Variants in KAZN observed in about 807,000 individuals in gnomAD.
The protein encoded by KAZN is kazrin, periplakin interacting protein.
KAZN carries 40 observed loss-of-function variants against 87.4 expected under a neutral mutation model. The observed-to-expected ratio is 0.46, with a 90% confidence interval of 0.36 to 0.60. The LOEUF (loss-of-function observed/expected upper bound fraction) is 0.60, where lower values mean the gene tolerates loss of function less well. Among genes scored for constraint, KAZN ranks in the 20% least tolerant of loss-of-function variants. The pLI is 0.00. For missense variants in KAZN, 898 were observed against 1,073.9 expected, an observed-to-expected ratio of 0.84 and a Z score of 2.29; for synonymous variants, 466 against 458.3, an observed-to-expected ratio of 1.02 and a Z score of -0.22.
intron 1 of KAZN, among the ~76,000 whole-genome samples, chr1:14,725,949 T>A (rs1643359556): frequency 6.6e-6 from 1 of 152,242 alleles, no homozygotes; most frequent in Admixed American, 6.5e-5. Context: ...TCAAAGCCAC[T>A]GAATAGCGTC....
intron 2 of KAZN, among the ~76,000 whole-genome samples, chr1:14,405,647 T>TGTGTGTGTG (rs747253895): frequency 4.0e-5 from 6 of 150,106 alleles, no homozygotes; most frequent in East Asian, 1.9e-4. Flanking sequence ...TGTGTGTGTG[T>TGTGTGTGTG]TTATACAGAG....
intron 1 of KAZN, among the ~76,000 whole-genome samples, chr1:14,885,171 A>T (rs2101124331): frequency 6.6e-6 from 1 of 152,196 alleles, no homozygotes; most frequent in East Asian, 1.9e-4. Context: ...TTAACCTGGA[A>T]ATGGGGATAT....
chr1:14,991,125 G>A (rs917434254), intron 2 of KAZN, among the ~76,000 whole-genome samples: 2 of 151,916 alleles, frequency 1.3e-5, no homozygotes, highest in African/African-American at 4.8e-5. Flanking sequence ...GGCTGAGGCG[G>A]GCGGATCACC....
intron 3 of KAZN, 104 bp from the exon 4 acceptor site, chr1:15,043,885 C>T: frequency 1.7e-6 from 2 of 1,170,336 alleles, no homozygotes; most frequent in Non-Finnish European, 1.2e-6. Flanking sequence ...CCTCGTGACC[C>T]CACTTCTTTT....
chr1:14,308,226 G>A (rs1054759139), intron 2 of KAZN, among the ~76,000 whole-genome samples: 4 of 152,068 alleles, frequency 2.6e-5, no homozygotes, highest in Non-Finnish European at 4.4e-5. Context: ...ACATTATTAG[G>A]ACAATTGATG....
intron 2 of KAZN, among the ~76,000 whole-genome samples, chr1:14,420,543 C>T (rs953099739): frequency 2.6e-5 from 4 of 152,286 alleles, no homozygotes; most frequent in East Asian, 1.9e-4. Context: ...CCAGGTGCCG[C>T]GGAGCAAGGG....
At chr1:13,995,070 T>C (rs12038517) in intron 1 of KAZN, among the ~76,000 whole-genome samples, 21,315 of 151,948 alleles carry the variant, frequency 0.14, 1,598 homozygotes, top group Middle Eastern at 0.22. Flanking sequence ...AGGAGAATAT[T>C]CCGTTAATCC....
intron 2 of KAZN, among the ~76,000 whole-genome samples, chr1:14,435,645 C>T (rs1022302911): frequency 3.9e-5 from 6 of 152,320 alleles, no homozygotes; most frequent in South Asian, 4.1e-4. Context: ...CTTCTGGGAG[C>T]GTGCAGCTGA....
At chr1:14,826,676 C>T (rs796632391) in intron 1 of KAZN, among the ~76,000 whole-genome samples, 5 of 152,106 alleles carry the variant, frequency 3.3e-5, no homozygotes, top group South Asian at 4.2e-4. Flanking sequence ...TCTCCAGTAG[C>T]GGCTGGATTT....
chr1:14,601,051 A>C (rs1478661440), intron 1 of KAZN, among the ~76,000 whole-genome samples: 1 of 152,200 alleles, frequency 6.6e-6, no homozygotes, highest in East Asian at 1.9e-4. Context: ...TGTGGAAATG[A>C]AAATGGCTTT....
At chr1:14,418,439 T>C (rs901419189) in intron 2 of KAZN, among the ~76,000 whole-genome samples, 1 of 152,218 alleles carries the variant, frequency 6.6e-6, no homozygotes, top group East Asian at 1.9e-4. Context: ...CTTTTATTAT[T>C]ACTGTCAGCA....
In KAZN at chr1:14,244,555, G is replaced by C. The variant is rs113176158; in HGVS notation, c.249+63963G>C. On this transcript the variant is annotated intron_variant, in intron 2 of 16. Coordinates refer to the KAZN transcript ENST00000636203. The stretch of plus-strand genomic sequence containing the variant: ...GCTGAGGTTCTATTGGGACACGATA[G>C]ACAATGCATCCTACGGACTACATAG... Among the ~76,000 whole-genome samples, 454 of 152,310 alleles carry C rather than the reference G, an allele frequency of 3.0e-3. 5 individuals carry two copies. The highest frequency in any genetic ancestry group is 4.1e-3 in the Admixed American group (62 of 15,294).
chr1:13,996,421 A>T (rs1276462096), intron 1 of KAZN, among the ~76,000 whole-genome samples: 1 of 152,170 alleles, frequency 6.6e-6, no homozygotes, highest in East Asian at 1.9e-4. Flanking sequence ...ACTAGGACCC[A>T]CAACAGCCTA....
At chr1:14,151,777 C>T (rs1193594851) in intron 1 of KAZN, among the ~76,000 whole-genome samples, 2 of 152,226 alleles carry the variant, frequency 1.3e-5, no homozygotes, top group African/African-American at 2.4e-5. Flanking sequence ...TCCCTCATCA[C>T]ACCTGTAACC....
chr1:14,130,920 A>G (rs1056130597), intron 1 of KAZN, among the ~76,000 whole-genome samples: 10 of 152,102 alleles, frequency 6.6e-5, no homozygotes, highest in African/African-American at 2.4e-4. Context: ...GTTTAATACT[A>G]TGCAAGCAGT....
intron 1 of KAZN, among the ~76,000 whole-genome samples, chr1:14,763,776 G>C (rs1644807574): frequency 6.6e-6 from 1 of 152,172 alleles, no homozygotes. Context: ...TTGAGATGGA[G>C]TCTTGCTCTG....
chr1:14,853,585 G>A (rs1649720707), intron 1 of KAZN, among the ~76,000 whole-genome samples: 2 of 152,190 alleles, frequency 1.3e-5, no homozygotes, highest in South Asian at 4.1e-4. Context: ...CTGCCTCTCA[G>A]TGGGAGAAGA....
At chr1:15,033,002 T>A (rs1205560517) in intron 2 of KAZN, among the ~76,000 whole-genome samples, 1 of 152,142 alleles carries the variant, frequency 6.6e-6, no homozygotes, top group East Asian at 1.9e-4. Flanking sequence ...TGGTTGTATC[T>A]ATACTGAACA....
chr1:14,565,474 A>G (rs974579218), intron 2 of KAZN, among the ~76,000 whole-genome samples: 2 of 152,190 alleles, frequency 1.3e-5, no homozygotes, highest in African/African-American at 2.4e-5. Context: ...GCTTGCCTCA[A>G]TGCTGATGGT....
Sources: allele counts gnomAD v4.1 joint callset (sites outside exome capture counted in the v4.1 genomes callset), GRCh38; gene constraint gnomAD v4.1.1; transcripts MANE v1.5; gene names NCBI Gene and HGNC (gene_info 2026-07-23, HGNC 2026-07-21).